TLN2: variants seen among roughly 807,000 people sequenced by gnomAD.
TLN2 encodes the protein talin 2.
A neutral mutation model predicts 294.7 loss-of-function variants in TLN2; 118 were observed. That is an observed-to-expected ratio of 0.40 (90% confidence interval 0.34 to 0.47). The LOEUF (loss-of-function observed/expected upper bound fraction) is 0.47, where lower values mean the gene tolerates loss of function less well. Among genes scored for constraint, TLN2 ranks in the 20% least tolerant of loss-of-function variants. TLN2 has a pLI of 0.84. For synonymous variants in TLN2, 1,431 were observed against 1,304.5 expected (o/e 1.10, Z -2.09); for missense variants, 3,083 against 3,282.2 (o/e 0.94, Z 1.48).
At chr15:62,416,302 A>G (rs1358307734) in intron 1 of TLN2, among the ~76,000 whole-genome samples, 2 of 152,214 alleles carry the variant, frequency 1.3e-5, no homozygotes, top group African/African-American at 4.8e-5. Context: ...ATCTCAAACA[A>G]TAAATAAGTA....
rs568065751 is a variant in TLN2 at position 62,708,864 on chromosome 15, T to C, written c.2467+68T>C. 4.6e-6 allele frequency: 7 copies of C among 1,507,306 alleles called. No homozygotes were observed. The South Asian group carries it at 6.4e-5, about 14-fold the overall frequency. The allele number at this position is 1,507,306 out of a possible 1,614,324, so 93.4% of individuals were successfully genotyped here. Reference sequence around the variant, plus strand: ...TGTTCCTGATGGTGGTGCTAACCCATAGGGAAGGTGAAGGCTGCCTGGATG... The same window carrying C: ...TGTTCCTGATGGTGGTGCTAACCCACAGGGAAGGTGAAGGCTGCCTGGATG... On this transcript the variant is annotated intron_variant, in intron 21 of 58. Coordinates refer to ENST00000636159, the MANE Select transcript of TLN2 (RefSeq NM_015059.3).
At chr15:62,493,425 A>G (rs921163438) in intron 1 of TLN2, among the ~76,000 whole-genome samples, 1 of 152,020 alleles carries the variant, frequency 6.6e-6, no homozygotes, top group Non-Finnish European at 1.5e-5. Context: ...TGCCTGGCTC[A>G]TAATCACTCA....
At chr15:62,703,371 A>G (rs2058838438) in intron 19 of TLN2, among the ~76,000 whole-genome samples, 12 of 151,994 alleles carry the variant, frequency 7.9e-5, no homozygotes, top group Admixed American at 7.9e-4. Context: ...AAGTGCTGGG[A>G]TTACAGGCGT....
chr15:62,630,130 C>G (rs151183491), intron 3 of TLN2, among the ~76,000 whole-genome samples: 1 of 40,348 alleles, frequency 2.5e-5, no homozygotes, highest in East Asian at 1.2e-3. Context: ...CTTTCTGTAA[C>G]TATTGGAAAA....
At position 62,738,296 on chromosome 15, in the gene TLN2, G is replaced by C. The variant is rs1242159836; in HGVS notation, c.3650G>C (p.Ser1217Thr). Residue 1217 changes from serine to threonine, a missense_variant, in exon 30 of 59, where the codon AGC becomes ACC. Transcript: ENST00000636159. ...AAGGATGTGGACGTGGCCTTGAAGA[G>C]CATCGGGGAGTCCAGCAAGAAGCTG... ...GQKDVDVALK[S>T]IGESSKKLLV... 13 of 1,614,150 alleles carry C rather than the reference G, an allele frequency of 8.1e-6. No homozygotes were observed. Among genetic ancestry groups the C allele is most frequent in the African/African-American group, 1.3e-5 (1 of 75,050 alleles).
intron 1 of TLN2, among the ~76,000 whole-genome samples, chr15:62,557,817 A>G (rs1290022107): frequency 3.3e-5 from 5 of 152,242 alleles, no homozygotes; most frequent in Admixed American, 3.3e-4. Flanking sequence ...TTGGGATTAC[A>G]GGCGTGAGCC....
chr15:62,721,650 C>T (rs2060155733), intron 25 of TLN2, among the ~76,000 whole-genome samples: 1 of 152,028 alleles, frequency 6.6e-6, no homozygotes, highest in Admixed American at 6.6e-5. Context: ...AGAAATTCAA[C>T]TTTTAAAAAT....
At chr15:62,560,051 T>G (rs1009482474) in intron 1 of TLN2, among the ~76,000 whole-genome samples, 12 of 152,022 alleles carry the variant, frequency 7.9e-5, no homozygotes, top group South Asian at 2.1e-4. Flanking sequence ...TGGAAATGGA[T>G]TAACTGCCAT....
chr15:62,471,293 C>T (rs1004048975), intron 1 of TLN2, among the ~76,000 whole-genome samples: 2 of 152,172 alleles, frequency 1.3e-5, no homozygotes, highest in African/African-American at 4.8e-5. Flanking sequence ...TGCAGTGAGC[C>T]GAGATCATGC....
In TLN2 at chr15:62,727,077, A is replaced by G. The variant is rs771537544; in HGVS notation, c.3256-10A>G. On this transcript the variant is annotated splice_polypyrimidine_tract_variant and intron_variant, in intron 27 of 58. Transcript: ENST00000636159. ...TTCTACGTTCTTTCCCTCCTTGAATATTCTTGTAGCTGGAAAAATGTGCTC... is the reference window on the plus strand; with the variant it reads ...TTCTACGTTCTTTCCCTCCTTGAATGTTCTTGTAGCTGGAAAAATGTGCTC... The G allele has an allele frequency of 9.3e-6, 15 of 1,613,400 alleles. No individual in the cohort carries two copies. The highest frequency in any genetic ancestry group is 1.3e-5 in the Non-Finnish European group (15 of 1,179,788).
intron 1 of TLN2, among the ~76,000 whole-genome samples, chr15:62,571,186 G>A (rs953182386): frequency 1.3e-5 from 2 of 152,172 alleles, no homozygotes; most frequent in African/African-American, 4.8e-5. Context: ...GGGTGCTCGG[G>A]AGATGAGCCT....
At chr15:62,472,629 C>CA (rs1252652638) in intron 1 of TLN2, among the ~76,000 whole-genome samples, 4 of 151,842 alleles carry the variant, frequency 2.6e-5, no homozygotes, top group African/African-American at 9.7e-5. Context: ...TGAGATTTAC[C>CA]AAAAAAAAGT....
chr15:62,410,785 G>A (rs1056799126), intron 1 of TLN2, among the ~76,000 whole-genome samples: 5 of 152,192 alleles, frequency 3.3e-5, no homozygotes, highest in African/African-American at 7.2e-5. Context: ...TGAAGAAGCC[G>A]AGGTGCAGAG....
chr15:62,392,716 G>A (rs1168366518), intron 1 of TLN2, among the ~76,000 whole-genome samples: 1 of 152,166 alleles, frequency 6.6e-6, no homozygotes, highest in Non-Finnish European at 1.5e-5. Context: ...CTTCTTCACT[G>A]AAGAGGCTAG....
Position 62,701,221 on chromosome 15 carries a change from C to A in TLN2, c.1696+7C>A. 1 of 1,609,720 alleles carries A rather than the reference C, an allele frequency of 6.2e-7. No individual in the cohort carries two copies. The highest frequency in any genetic ancestry group is 1.1e-5 in the South Asian group (1 of 90,590). On this transcript the variant is annotated splice_region_variant and intron_variant, in intron 17 of 58. Transcript: ENST00000636159. ...GTTGTTAACCTCACAGCTGGTAAGT[C>A]CCGGAGAGATTTGTGCTGCATTGGG...
At chr15:62,746,495 A>C (rs2061619012) in intron 32 of TLN2, among the ~76,000 whole-genome samples, 1 of 152,220 alleles carries the variant, frequency 6.6e-6, no homozygotes, top group Admixed American at 6.5e-5. Flanking sequence ...TCAATCTTAC[A>C]AAAACTATTT....
intron 11 of TLN2, among the ~76,000 whole-genome samples, chr15:62,686,371 T>A (rs1229899916): frequency 6.6e-6 from 1 of 152,196 alleles, no homozygotes; most frequent in Non-Finnish European, 1.5e-5. Flanking sequence ...ATCCCATCTT[T>A]CTGGCATCGT....
At chr15:62,620,583 A>G (rs1387271967) in intron 3 of TLN2, among the ~76,000 whole-genome samples, 1 of 151,642 alleles carries the variant, frequency 6.6e-6, no homozygotes, top group African/African-American at 2.4e-5. Context: ...GGCTCAAGCA[A>G]TCCTCCTACC....
At chr15:62,537,999 AT>A (rs1484328406) in intron 1 of TLN2, among the ~76,000 whole-genome samples, 1 of 152,058 alleles carries the variant, frequency 6.6e-6, no homozygotes, top group Non-Finnish European at 1.5e-5. Context: ...AGGCGGGTGG[AT>A]TGCTTGAGGT....
Sources: gnomAD v4.1 joint callset for allele counts (sites outside exome capture counted in the v4.1 genomes callset) on GRCh38, gnomAD v4.1.1 for gene constraint, MANE v1.5 for transcripts, NCBI Gene and HGNC (gene_info 2026-07-23, HGNC 2026-07-21) for gene names.